Variants in ARID2 observed in about 807,000 individuals in gnomAD.
ARID2 encodes AT-rich interactive domain-containing protein 2.
ARID2 carries 32 observed loss-of-function variants against 184.6 expected under a neutral mutation model. The ratio of observed to expected loss-of-function variants is 0.17; its 90% CI spans 0.13 to 0.23. The LOEUF (loss-of-function observed/expected upper bound fraction) is 0.23, where lower values mean the gene tolerates loss of function less well. Among genes scored for constraint, ARID2 ranks in the 10% least tolerant of loss-of-function variants. The pLI is 1.00. For missense variants in ARID2, 1,696 were observed against 2,197.6 expected, an observed-to-expected ratio of 0.77 and a Z score of 4.56; for synonymous variants, 836 against 772.6, an observed-to-expected ratio of 1.08 and a Z score of -1.36.
intron 3 of ARID2, among the ~76,000 whole-genome samples, chr12:45,742,476 A>C (rs1163885048): frequency 6.6e-6 from 1 of 152,204 alleles, no homozygotes; most frequent in African/African-American, 2.4e-5. Flanking sequence ...AAATTCAACA[A>C]ATTTTATTTA....
chr12:45,872,136 T>A (rs141226730), intron 16 of ARID2, among the ~76,000 whole-genome samples: 123 of 152,216 alleles, frequency 8.1e-4, no homozygotes, highest in African/African-American at 2.8e-3. Context: ...ATTTCTGCTC[T>A]TTTATTATTT....
In ARID2 at chr12:45,850,081, C is replaced by T. The variant is rs781543592; in HGVS notation, c.1958C>T (p.Thr653Ile). 13 of 1,613,852 alleles carry T rather than the reference C, an allele frequency of 8.1e-6. No individual in the cohort carries two copies. Among genetic ancestry groups the T allele is most frequent in the Non-Finnish European group, 1.1e-5 (13 of 1,179,940 alleles). Residue 653 changes from threonine (T) to isoleucine (I), a missense_variant, in exon 15 of 21, where the codon ACT (threonine) becomes ATT (isoleucine). By Grantham distance (89) the Thr-to-Ile change is moderately conservative. Around this residue, in one of 11 missense-constraint regions of ARID2, gnomAD observed 713 missense variants for 824.4 expected, o/e 0.86. Transcript: ENST00000334344. The stretch of plus-strand genomic sequence containing the variant: ...ACCATAGGAAACCATTTTCAGAGGA[C>T]TCCTGTTGCCAACCAATCTTCAAAT... ...SQTIGNHFQR[T>I]PVANQSSNLT...
chr12:45,854,702 A>G (rs551123287), intron 15 of ARID2, among the ~76,000 whole-genome samples: 1 of 152,236 alleles, frequency 6.6e-6, no homozygotes, highest in Non-Finnish European at 1.5e-5. Context: ...CTCCATCATT[A>G]TGGAATTGTT....
chr12:45,825,221 A>G (rs1768530402), intron 6 of ARID2, among the ~76,000 whole-genome samples: 1 of 152,150 alleles, frequency 6.6e-6, no homozygotes, highest in Admixed American at 6.6e-5. Flanking sequence ...TATATTTCAA[A>G]ATAGTAAGAA....
intron 16 of ARID2, among the ~76,000 whole-genome samples, chr12:45,889,887 G>A (rs757326312): frequency 1.3e-5 from 2 of 152,218 alleles, no homozygotes; most frequent in African/African-American, 4.8e-5. Flanking sequence ...GCATTGAGTC[G>A]AGATCGCACC....
chr12:45,874,331 TAAAA>T, intron 16 of ARID2: 2 of 153,038 alleles, frequency 1.3e-5, no homozygotes, highest in Admixed American at 6.7e-5. Flanking sequence ...CCCTGTCTCT[TAAAA>T]AAAAAAAAAA....
At chr12:45,849,977 C>A (rs1592118694) in intron 14 of ARID2, 59 bp from the exon 15 acceptor site, 1 of 1,529,706 alleles carries the variant, frequency 6.5e-7, no homozygotes, top group Non-Finnish European at 8.7e-7. Flanking sequence ...TAAAATAATT[C>A]CTACTTGGGA....
intron 6 of ARID2, among the ~76,000 whole-genome samples, chr12:45,825,916 T>A (rs951744178): frequency 6.6e-6 from 1 of 152,042 alleles, no homozygotes; most frequent in African/African-American, 2.4e-5. Flanking sequence ...TCAGTATGAT[T>A]TATTGAATTT....
chr12:45,813,473 AACC>A (rs1273327870), intron 4 of ARID2, among the ~76,000 whole-genome samples: 6 of 151,398 alleles, frequency 4.0e-5, no homozygotes, highest in Non-Finnish European at 2.9e-5. Flanking sequence ...AAAAAAAAAA[AACC>A]ACCAAAATGA....
intron 20 of ARID2, among the ~76,000 whole-genome samples, chr12:45,903,222 A>AT (rs1393702096): frequency 6.6e-6 from 1 of 151,988 alleles, no homozygotes; most frequent in Non-Finnish European, 1.5e-5. Flanking sequence ...ATATTATTGT[A>AT]TTTTTTTCTC....
At chr12:45,834,853 C>G (rs1330598397) in intron 6 of ARID2, among the ~76,000 whole-genome samples, 4 of 152,030 alleles carry the variant, frequency 2.6e-5, no homozygotes, top group African/African-American at 9.7e-5. Context: ...CAGCTTTTTT[C>G]TTTTTTTATC....
chr12:45,786,809 C>T (rs566175288), intron 3 of ARID2, among the ~76,000 whole-genome samples: 5 of 152,164 alleles, frequency 3.3e-5, no homozygotes, highest in Admixed American at 2.6e-4. Flanking sequence ...ACTATTCAGC[C>T]GTAAAAAAGA....
chr12:45,846,868 T>C lies in ARID2; in HGVS notation c.1511T>C (p.Val504Ala). Reference protein sequence around the residue: ...HVASAPASRAVVAQHVAPPPG... With the variant: ...HVASAPASRAAVAQHVAPPPG... ...TTTTTTTCTTTAGCTTCCAGAGCAGTTGTAGCGCAGCATGTTGCTCCACCT... is the reference window on the plus strand; with the variant it reads ...TTTTTTTCTTTAGCTTCCAGAGCAGCTGTAGCGCAGCATGTTGCTCCACCT... The change falls in exon 12 of 21, where the codon GTT becomes GCT. Residue 504 changes from valine (V) to alanine (A), a missense_variant. This residue lies in a region of ARID2 where 713 missense variants were observed against 824.4 expected (regional missense o/e 0.86). Transcript: ENST00000334344. 2 of 1,613,074 alleles carry C rather than the reference T, an allele frequency of 1.2e-6. No individual in the cohort carries two copies. Among genetic ancestry groups the C allele is most frequent in the South Asian group, 1.1e-5 (1 of 91,002 alleles).
At chr12:45,735,097 T>C (rs989838351) in intron 3 of ARID2, among the ~76,000 whole-genome samples, 11 of 152,214 alleles carry the variant, frequency 7.2e-5, no homozygotes, top group African/African-American at 2.7e-4. Context: ...TCAATCGCAT[T>C]GTGAATTTAT....
rs1944333615 is a variant in ARID2, at chr12:45,893,729, A to G, written c.5363+8A>G. 1.3e-6 allele frequency: 2 copies of G among 1,554,926 alleles called. No individual in the cohort carries two copies. Among genetic ancestry groups the G allele is most frequent in the Non-Finnish European group, 1.7e-6 (2 of 1,155,154 alleles). Reference sequence around the variant, plus strand: ...TTCAGAATGTGGTCGCAGGTGAGTAATATGTTTTCTGTAGCCAAAGTGAAT... The same window carrying G: ...TTCAGAATGTGGTCGCAGGTGAGTAGTATGTTTTCTGTAGCCAAAGTGAAT... On this transcript the variant is annotated splice_region_variant and intron_variant, in intron 20 of 20. Transcript: ENST00000334344.
intron 15 of ARID2, among the ~76,000 whole-genome samples, chr12:45,857,770 T>TC (rs1392608162): frequency 2.6e-5 from 4 of 151,948 alleles, no homozygotes; most frequent in African/African-American, 4.8e-5. Flanking sequence ...TCTCTCTCTC[T>TC]TTTTTTTAAT....
At chr12:45,835,841 A>C (rs1227046752) in intron 6 of ARID2, among the ~76,000 whole-genome samples, 2 of 151,994 alleles carry the variant, frequency 1.3e-5, no homozygotes, top group African/African-American at 4.8e-5. Flanking sequence ...TGGAGGTTGC[A>C]GTGAGCCGAG....
At chr12:45,741,811 C>T (rs972884805) in intron 3 of ARID2, among the ~76,000 whole-genome samples, 1 of 152,082 alleles carries the variant, frequency 6.6e-6, no homozygotes, top group Non-Finnish European at 1.5e-5. Flanking sequence ...AAACCAAGAT[C>T]GAGGTGATAG....
chr12:45,860,566 G>A (rs1943725342), intron 15 of ARID2, among the ~76,000 whole-genome samples: 1 of 151,262 alleles, frequency 6.6e-6, no homozygotes, highest in African/African-American at 2.4e-5. Context: ...TTTTATAGTG[G>A]TAATAACAAT....
Sources: gnomAD v4.1 joint callset for allele counts (sites outside exome capture counted in the v4.1 genomes callset) on GRCh38, gnomAD v4.1.1 for gene constraint, gnomAD v4.1.1 regional missense constraint, MANE v1.5 for transcripts, NCBI Gene and HGNC (gene_info 2026-07-23, HGNC 2026-07-21) for gene names.